Variants in GEMIN5 observed in about 807,000 individuals in gnomAD.
The protein encoded by GEMIN5 is gem-associated protein 5.
In GEMIN5, 124 loss-of-function variants were observed where a neutral mutation model predicts 176.9. The observed-to-expected ratio is 0.70, with a 90% CI of 0.61 to 0.81. GEMIN5 has a LOEUF of 0.81. GEMIN5 is among the 40% of genes least tolerant of loss of function. GEMIN5 has a pLI of 0.00. For synonymous variants in GEMIN5, 673 were observed against 665.2 expected, an observed-to-expected ratio of 1.01 and a Z score of -0.18; for missense variants, 1,843 against 1,814.6, an observed-to-expected ratio of 1.02 and a Z score of -0.28.
intron 15 of GEMIN5, among the ~76,000 whole-genome samples, chr5:154,911,241 C>T (rs149342015): frequency 1.2e-3 from 186 of 152,150 alleles, no homozygotes; most frequent in African/African-American, 4.3e-3. Context: ...GGGCTGGGCA[C>T]GGTGGCTCAT....
At chr5:154,905,143 A>G (rs6580118) in intron 17 of GEMIN5, among the ~76,000 whole-genome samples, 145,404 of 152,196 alleles carry the variant, frequency 0.96, 69,560 homozygotes, top group South Asian at 0.99. Context: ...GTAGTGAGCC[A>G]AGAGTGTGCC....
intron 10 of GEMIN5, among the ~76,000 whole-genome samples, chr5:154,920,729 G>A (rs1561723596): frequency 6.6e-6 from 1 of 152,168 alleles, no homozygotes; most frequent in Non-Finnish European, 1.5e-5. Flanking sequence ...TCTATGTAAT[G>A]CAATTCCTAT....
Position 154,917,152 on chromosome 5 carries a change from G to C in GEMIN5, c.1701C>G (p.Asn567Lys). Residue 567 changes from asparagine to lysine, a missense_variant, in exon 13 of 28, where the codon AAC becomes AAG. Transcript: ENST00000285873. ...DGSIEIFQIPNLKLICTIQQH... is the reference protein window; with the variant it reads ...DGSIEIFQIPKLKLICTIQQH... Reference sequence around the variant, plus strand: ...GTTGGATAGTACAGATCAGTTTCAGGTTGGGAATCTGAAATATTTCTATTG... The same window carrying C: ...GTTGGATAGTACAGATCAGTTTCAGCTTGGGAATCTGAAATATTTCTATTG... 2 of 1,507,486 alleles carry C rather than the reference G, an allele frequency of 1.3e-6. No individual in the cohort carries two copies. Among genetic ancestry groups the C allele is most frequent in the Non-Finnish European group, 1.8e-6 (2 of 1,113,054 alleles). 93.4% of individuals were successfully genotyped at this position (1,507,486 alleles called of 1,614,324 possible). A position where few individuals can be genotyped will look rare whatever the true frequency, so the allele number is the denominator to read the frequency against.
intron 21 of GEMIN5, 79 bp downstream of exon 21, chr5:154,901,260 T>G: frequency 7.5e-7 from 1 of 1,339,028 alleles, no homozygotes; most frequent in Non-Finnish European, 1.1e-6. Context: ...CTTCTATTTA[T>G]GTTACTTTAA....
At position 154,901,425 on chromosome 5, in the gene GEMIN5, A is replaced by T. The variant is rs764167437; in HGVS notation, c.2928T>A (p.Asp976Glu). 4 of 1,613,996 alleles carry T rather than the reference A, an allele frequency of 2.5e-6. No individual in the cohort carries two copies. Among genetic ancestry groups the T allele is most frequent in the Non-Finnish European group, 3.4e-6 (4 of 1,179,850 alleles). Residue 976 changes from aspartate to glutamate, a missense_variant, in exon 21 of 28, where the codon GAT (aspartate) becomes GAA (glutamate). Asp to Glu is a conservative substitution (Grantham distance 45). Coordinates refer to ENST00000285873, the MANE Select transcript of GEMIN5 (RefSeq NM_015465.5). ...GGTGAGAAGCAGCCTTGACATACTG[A>T]TCCTGAAAACACAGCTGTTTGGCAA... ...EAFAKQLCFQDQYVKAASHLL... is the reference protein window; with the variant it reads ...EAFAKQLCFQEQYVKAASHLL...
At chr5:154,903,206 T>C in intron 18 of GEMIN5, 31 bp from the exon 19 acceptor site, 1 of 1,381,062 alleles carries the variant, frequency 7.2e-7, no homozygotes, top group African/African-American at 1.4e-5. Flanking sequence ...AAAAATCAGA[T>C]GAAGTCATTA....
At chr5:154,905,744 G>C (rs1763555613) in intron 16 of GEMIN5, among the ~76,000 whole-genome samples, 1 of 151,428 alleles carries the variant, frequency 6.6e-6, no homozygotes, top group East Asian at 1.9e-4. Flanking sequence ...TGTCGCCCAG[G>C]CTGGAAATTC....
At position 154,938,065 on chromosome 5, in the gene GEMIN5, C is replaced by A; in HGVS notation, c.69G>T (p.Val23=). 2.6e-6 allele frequency: 4 copies of A among 1,526,132 alleles called. No individual in the cohort carries two copies. The highest frequency in any genetic ancestry group is 2.6e-6 in the Non-Finnish European group (3 of 1,140,778). The allele number at this position is 1,526,132 out of a possible 1,614,324, so 94.5% of individuals were successfully genotyped here. A position where few individuals can be genotyped will look rare whatever the true frequency, so the allele number is the denominator to read the frequency against. Residue 23 remains valine, a synonymous_variant, in exon 1 of 28, where the codon GTG becomes GTT. Transcript: ENST00000285873. ...NWYCARCSDA[V]PGGLFGFAAR... ...CGGCGAAGCCAAAGAGGCCCCCGGGCACGGCATCGCTGCAGCGGGCGCAGT... is the reference window on the plus strand; with the variant it reads ...CGGCGAAGCCAAAGAGGCCCCCGGGAACGGCATCGCTGCAGCGGGCGCAGT...
Position 154,902,930 on chromosome 5 carries a change from A to G in GEMIN5, c.2728+150T>C, listed in dbSNP as rs1252555054. The G allele has an allele frequency of 1.2e-5, 8 of 642,938 alleles. No individual in the cohort carries two copies. In the African/African-American group the frequency reaches 1.5e-4, roughly 12 times the overall value. 39.8% of individuals were successfully genotyped at this position (642,938 alleles called of 1,614,324 possible). A position where few individuals can be genotyped will look rare whatever the true frequency, so the allele number is the denominator to read the frequency against. ...CTATGATGATGCAAGGGTTGTATCA[A>G]TATGTAAATCAGGGAGCTCAAAACC... On this transcript the variant is annotated intron_variant, in intron 19 of 27. Transcript: ENST00000285873.
intron 25 of GEMIN5, 60 bp downstream of exon 25, chr5:154,892,327 A>G: frequency 1.5e-6 from 2 of 1,370,454 alleles, no homozygotes; most frequent in Non-Finnish European, 2.1e-6. Flanking sequence ...GTGCCACACC[A>G]CTAATGGTGG....
rs368523686 is a variant in GEMIN5, at chr5:154,937,127, G to T, written c.225C>A (p.His75Gln). Residue 75 changes from histidine to glutamine, a missense_variant, in exon 2 of 28, where the codon CAC becomes CAA. By Grantham distance (24) the His-to-Gln change is conservative (BLOSUM62 0). Transcript: ENST00000285873. ...ERVSGFTFSHHPGQYNLCATS... is the reference protein window; with the variant it reads ...ERVSGFTFSHQPGQYNLCATS... Reference sequence around the variant, plus strand: ...TGGCACAGAGGTTGTACTGACCAGGGTGATGAGAAAATGTGAAGCCAGAGA... The same window carrying T: ...TGGCACAGAGGTTGTACTGACCAGGTTGATGAGAAAATGTGAAGCCAGAGA... 2.2e-5 allele frequency: 35 copies of T among 1,613,606 alleles called. No homozygotes were observed. The highest frequency in any genetic ancestry group is 2.9e-5 in the Non-Finnish European group (34 of 1,179,682).
intron 21 of GEMIN5, among the ~76,000 whole-genome samples, chr5:154,900,496 T>C (rs1763440755): frequency 6.6e-6 from 1 of 152,170 alleles, no homozygotes; most frequent in Non-Finnish European, 1.5e-5. Flanking sequence ...CAGCATAGGA[T>C]GGTCAGCCCT....
chr5:154,894,672 C>A (rs978767446), intron 24 of GEMIN5, among the ~76,000 whole-genome samples: 1 of 151,312 alleles, frequency 6.6e-6, no homozygotes, highest in Non-Finnish European at 1.5e-5. Flanking sequence ...TTTGGGAGGC[C>A]GAAGTGGGCA....
intron 5 of GEMIN5, among the ~76,000 whole-genome samples, chr5:154,928,897 G>A (rs1322025193): frequency 6.6e-6 from 1 of 151,998 alleles, no homozygotes; most frequent in Non-Finnish European, 1.5e-5. Context: ...AGCTTCGACA[G>A]GCTATCTTGA....
intron 23 of GEMIN5, among the ~76,000 whole-genome samples, chr5:154,896,829 A>C (rs1763362092): frequency 6.6e-6 from 1 of 152,226 alleles, no homozygotes; most frequent in African/African-American, 2.4e-5. Flanking sequence ...TAATAGAGGA[A>C]GCTGGCTGGG....
chr5:154,899,563 A>G (rs1763424243), intron 21 of GEMIN5, among the ~76,000 whole-genome samples: 1 of 152,146 alleles, frequency 6.6e-6, no homozygotes, highest in Non-Finnish European at 1.5e-5. Context: ...CAGAGGGTTC[A>G]TGAGGTTAAA....
chr5:154,930,979 T>C (rs2113511653), intron 5 of GEMIN5, among the ~76,000 whole-genome samples: 1 of 152,352 alleles, frequency 6.6e-6, no homozygotes, highest in South Asian at 2.1e-4. Flanking sequence ...AACTTAAAGA[T>C]AAAAGTTCTG....
At chr5:154,902,416 A>G in intron 20 of GEMIN5, 123 bp downstream of exon 20, 1 of 881,884 alleles carries the variant, frequency 1.1e-6, no homozygotes. Context: ...ATTGCTGTCT[A>G]TTGCTTTGTA....
chr5:154,917,784 A>G (rs1423155715), intron 12 of GEMIN5, 147 bp downstream of exon 12: 3 of 646,034 alleles, frequency 4.6e-6, no homozygotes, highest in East Asian at 5.4e-5. Context: ...ACAAGGCACT[A>G]CTGGATCAGC....
Sources: gnomAD v4.1 joint callset for allele counts (sites outside exome capture counted in the v4.1 genomes callset) on GRCh38, gnomAD v4.1.1 for gene constraint, MANE v1.5 for transcripts, NCBI Gene and HGNC (gene_info 2026-07-23, HGNC 2026-07-21) for gene names.